Variants in TMEM117 observed in about 807,000 individuals in gnomAD.
TMEM117 encodes transmembrane protein 117.
TMEM117 carries 27 observed loss-of-function variants against 52.4 expected under a neutral mutation model. The ratio of observed to expected loss-of-function variants is 0.51; its 90% CI spans 0.38 to 0.71. The LOEUF is 0.71. Among genes scored for constraint, TMEM117 ranks in the 30% least tolerant of loss-of-function variants. The pLI, the probability that TMEM117 is intolerant of heterozygous loss-of-function variation, is 0.00. For missense variants in TMEM117, 556 were observed against 630.5 expected (o/e 0.88, Z 1.26); for synonymous variants, 215 against 206.3 (o/e 1.04, Z -0.36).
At chr12:43,994,188 G>A (rs892056901) in intron 3 of TMEM117, among the ~76,000 whole-genome samples, 4 of 152,116 alleles carry the variant, frequency 2.6e-5, no homozygotes, top group Non-Finnish European at 5.9e-5. Context: ...TTTGAGGAAA[G>A]GGACCATCGT....
rs1385525385 is a variant in TMEM117 at position 44,181,981 on chromosome 12, C to G, written c.511-29309C>G. Among the ~76,000 whole-genome samples the G allele has an allele frequency of 2.6e-5, 4 of 152,240 alleles. No homozygotes were observed. In the South Asian group the frequency reaches 8.3e-4, roughly 32 times the overall value. Reference sequence around the variant, plus strand: ...TTTCATGATATTGATTCTTCCTACCCATGAGCATGGAATGTTCTTCCATTT... The same window carrying G: ...TTTCATGATATTGATTCTTCCTACCGATGAGCATGGAATGTTCTTCCATTT... On this transcript the variant is annotated intron_variant, in intron 4 of 7. Transcript: ENST00000266534.
At chr12:43,902,743 T>C (rs866316629) in intron 2 of TMEM117, among the ~76,000 whole-genome samples, 1 of 152,132 alleles carries the variant, frequency 6.6e-6, no homozygotes, top group African/African-American at 2.4e-5. Context: ...ATTTAATGGA[T>C]AGATTAGAGA....
chr12:44,010,166 C>G, intron 3 of TMEM117: 1 of 517,278 alleles, frequency 1.9e-6, no homozygotes, highest in Middle Eastern at 3.2e-4. Context: ...CAGTTTTAAC[C>G]CTGTGTGTGA....
intron 6 of TMEM117, among the ~76,000 whole-genome samples, chr12:44,325,282 A>G (rs886439483): frequency 6.6e-6 from 1 of 152,174 alleles, no homozygotes; most frequent in African/African-American, 2.4e-5. Flanking sequence ...TCATCTTTCT[A>G]CAGTGAAAAC....
chr12:44,096,261 T>C (rs375048525), intron 3 of TMEM117, among the ~76,000 whole-genome samples: 3 of 152,258 alleles, frequency 2.0e-5, no homozygotes, highest in East Asian at 3.9e-4. Flanking sequence ...ATAGGAAGAA[T>C]CAATATCGTG....
intron 2 of TMEM117, among the ~76,000 whole-genome samples, chr12:43,882,460 CA>C (rs57833998): frequency 0.017 from 1,963 of 117,182 alleles, 24 homozygotes; most frequent in South Asian, 0.035. Context: ...AACTTCATCT[CA>C]AAAAAAAAAA....
chr12:43,844,655 G>C lies in TMEM117; in HGVS notation c.4G>C (p.Gly2Arg). The C allele has an allele frequency of 1.2e-6, 2 of 1,613,242 alleles. No homozygotes were observed. Among genetic ancestry groups the C allele is most frequent in the South Asian group, 2.2e-5 (2 of 90,922 alleles). Residue 2 changes from glycine to arginine, a missense_variant, in exon 2 of 8, where the codon GGT becomes CGT. Transcript: ENST00000266534. M[G>R]KDFRYYFQHP... The stretch of plus-strand genomic sequence containing the variant: ...TACGAACTGGGAGTTCTGAAGAATG[G>C]GTAAAGACTTTCGTTACTATTTCCA...
chr12:44,281,208 T>G (rs1211430511), intron 5 of TMEM117, among the ~76,000 whole-genome samples: 2 of 152,342 alleles, frequency 1.3e-5, no homozygotes, highest in East Asian at 3.9e-4. Context: ...TTACATCCTT[T>G]AAATATTTAC....
At chr12:44,296,790 G>A (rs1013190749) in intron 5 of TMEM117, among the ~76,000 whole-genome samples, 4 of 152,148 alleles carry the variant, frequency 2.6e-5, no homozygotes, top group African/African-American at 9.7e-5. Context: ...GAGATCAGCC[G>A]GTCTGTTGTA....
chr12:44,352,421 A>G (rs1483172398), intron 6 of TMEM117, among the ~76,000 whole-genome samples: 4 of 151,964 alleles, frequency 2.6e-5, no homozygotes, highest in Non-Finnish European at 5.9e-5. Flanking sequence ...CATTAGGTGT[A>G]TCTCCTAATG....
chr12:44,171,058 C>T (rs1207861331), intron 4 of TMEM117, among the ~76,000 whole-genome samples: 6 of 149,364 alleles, frequency 4.0e-5, no homozygotes, highest in African/African-American at 9.9e-5. Context: ...CTCTGTCGCC[C>T]AGGCTGGAGT....
intron 2 of TMEM117, among the ~76,000 whole-genome samples, chr12:43,892,789 A>T: frequency 6.6e-6 from 1 of 152,264 alleles, no homozygotes; most frequent in East Asian, 1.9e-4. Flanking sequence ...ATAGACTATA[A>T]AGAGATAAAT....
chr12:44,267,812 TA>T (rs1450538830), intron 5 of TMEM117, among the ~76,000 whole-genome samples: 1 of 152,196 alleles, frequency 6.6e-6, no homozygotes, highest in Non-Finnish European at 1.5e-5. Context: ...CTGAATACCT[TA>T]AAAAAGAAGG....
chr12:44,118,971 A>G (rs1328233812), intron 3 of TMEM117, among the ~76,000 whole-genome samples: 1 of 152,256 alleles, frequency 6.6e-6, no homozygotes, highest in African/African-American at 2.4e-5. Context: ...TAAATAACCT[A>G]AAGTAATATG....
At chr12:44,099,498 A>G (rs1430275274) in intron 3 of TMEM117, among the ~76,000 whole-genome samples, 1 of 152,092 alleles carries the variant, frequency 6.6e-6, no homozygotes, top group African/African-American at 2.4e-5. Context: ...AAATAGTGAT[A>G]TAGTAGGGTG....
intron 4 of TMEM117, among the ~76,000 whole-genome samples, 173 bp downstream of exon 4, chr12:44,143,797 G>GA (rs1007809579): frequency 6.6e-6 from 1 of 151,742 alleles, no homozygotes; most frequent in Non-Finnish European, 1.5e-5. Flanking sequence ...GTGGACCTCA[G>GA]AAAAAAAATC....
chr12:43,994,483 G>A (rs1945995715), intron 3 of TMEM117, among the ~76,000 whole-genome samples: 1 of 152,092 alleles, frequency 6.6e-6, no homozygotes, highest in Admixed American at 6.6e-5. Flanking sequence ...TAACTTTTGT[G>A]CAATCTTTAA....
chr12:44,022,897 A>G (rs920242599), intron 3 of TMEM117, among the ~76,000 whole-genome samples: 1 of 152,132 alleles, frequency 6.6e-6, no homozygotes, highest in Admixed American at 6.5e-5. Flanking sequence ...TAATTTCCAG[A>G]CAGTGGATTA....
At chr12:44,078,135 A>T (rs1337041298) in intron 3 of TMEM117, among the ~76,000 whole-genome samples, 1 of 152,220 alleles carries the variant, frequency 6.6e-6, no homozygotes, top group East Asian at 1.9e-4. Flanking sequence ...AATTATCCAA[A>T]ATGTTTAATT....
Sources: gnomAD v4.1 joint callset for allele counts (sites outside exome capture counted in the v4.1 genomes callset) on GRCh38, gnomAD v4.1.1 for gene constraint, MANE v1.5 for transcripts, NCBI Gene and HGNC (gene_info 2026-07-23, HGNC 2026-07-21) for gene names.